LIMA1: variants seen among roughly 807,000 people sequenced by gnomAD.
LIMA1 encodes the protein LIM domain and actin binding 1.
In LIMA1, 52 loss-of-function variants were observed where a neutral mutation model predicts 62.6. The observed-to-expected ratio is 0.83, with a 90% CI of 0.67 to 1.05. The LOEUF is 1.05. LIMA1 is among the 50% of genes least tolerant of loss of function. LIMA1 has a pLI of 0.00. For synonymous variants in LIMA1, 302 were observed against 317.8 expected (o/e 0.95, Z 0.53); for missense variants, 780 against 902.2 (o/e 0.86, Z 1.74).
At chr12:50,233,001 AAC>A (rs1315188692) in intron 2 of LIMA1, among the ~76,000 whole-genome samples, 2 of 152,178 alleles carry the variant, frequency 1.3e-5, no homozygotes, top group Admixed American at 6.5e-5. Context: ...AACCCAAAAA[AAC>A]AGTCTGCATA....
intron 6 of LIMA1, 29 bp downstream of exon 6, chr12:50,204,522 AT>A: frequency 1.3e-6 from 2 of 1,596,388 alleles, no homozygotes; most frequent in South Asian, 2.2e-5. Context: ...GATGGAATGA[AT>A]GAATGAATGA....
chr12:50,250,914 A>T (rs1941922005), intron 1 of LIMA1, among the ~76,000 whole-genome samples: 1 of 152,256 alleles, frequency 6.6e-6, no homozygotes, highest in Non-Finnish European at 1.5e-5. Context: ...AAAGACCCTG[A>T]TACAGAATAA....
intron 4 of LIMA1, among the ~76,000 whole-genome samples, chr12:50,209,033 G>A (rs557407583): frequency 5.4e-4 from 74 of 137,238 alleles, no homozygotes; most frequent in African/African-American, 1.9e-3. Flanking sequence ...GTCTCACCAC[G>A]TTGCCCAGGC....
intron 10 of LIMA1, among the ~76,000 whole-genome samples, chr12:50,181,525 C>A (rs1028302928): frequency 6.6e-6 from 1 of 151,988 alleles, no homozygotes; most frequent in African/African-American, 2.4e-5. Flanking sequence ...ATTATTATTG[C>A]CATTATTATC....
chr12:50,232,735 C>T (rs1941631092), intron 2 of LIMA1, among the ~76,000 whole-genome samples: 1 of 152,226 alleles, frequency 6.6e-6, no homozygotes. Flanking sequence ...TGCCTGTAAT[C>T]CCAGCACTTC....
chr12:50,263,785 C>CTGTGTGTG (rs3073660), intron 1 of LIMA1, among the ~76,000 whole-genome samples: 2,498 of 131,312 alleles, frequency 0.019, 41 homozygotes, highest in East Asian at 0.07. Flanking sequence ...TTCCATTCCT[C>CTGTGTGTG]TGTGTGTGTG....
intron 1 of LIMA1, among the ~76,000 whole-genome samples, chr12:50,268,882 T>C (rs1942171141): frequency 6.6e-6 from 1 of 152,188 alleles, no homozygotes; most frequent in Non-Finnish European, 1.5e-5. Context: ...CATGTTCTAA[T>C]GACATATTAC....
At chr12:50,277,894 CAG>C (rs1424845366) in intron 1 of LIMA1, among the ~76,000 whole-genome samples, 1 of 152,140 alleles carries the variant, frequency 6.6e-6, no homozygotes, top group Admixed American at 6.6e-5. Flanking sequence ...ACAGAAGAAA[CAG>C]AAATGAATGT....
intron 1 of LIMA1, among the ~76,000 whole-genome samples, chr12:50,267,486 G>T (rs1942153281): frequency 6.6e-6 from 1 of 151,526 alleles, no homozygotes; most frequent in Non-Finnish European, 1.5e-5. Context: ...CAAAGTGCTG[G>T]GATTACAGGT....
chr12:50,251,705 A>C (rs939960882), intron 1 of LIMA1, among the ~76,000 whole-genome samples: 1 of 152,164 alleles, frequency 6.6e-6, no homozygotes, highest in Non-Finnish European at 1.5e-5. Flanking sequence ...ATAAAGAAAA[A>C]AAAGGTTAAC....
chr12:50,210,677 C>T (rs1941240215), intron 4 of LIMA1, among the ~76,000 whole-genome samples: 1 of 152,152 alleles, frequency 6.6e-6, no homozygotes, highest in Non-Finnish European at 1.5e-5. Flanking sequence ...AGGGCAGAGG[C>T]TTTCTTTGGT....
At chr12:50,245,133 G>T (rs142407949) in intron 2 of LIMA1, among the ~76,000 whole-genome samples, 77 of 152,284 alleles carry the variant, frequency 5.1e-4, no homozygotes, top group African/African-American at 1.7e-3. Context: ...TATGAGTCCA[G>T]GTTGGGCACA....
intron 1 of LIMA1, among the ~76,000 whole-genome samples, chr12:50,258,717 G>A (rs772335081): frequency 7.0e-6 from 1 of 143,454 alleles, no homozygotes; most frequent in African/African-American, 2.6e-5. Flanking sequence ...GTGCGATCTC[G>A]GCTCACTGCA....
At chr12:50,214,827 C>A (rs1941316558) in intron 4 of LIMA1, among the ~76,000 whole-genome samples, 1 of 152,154 alleles carries the variant, frequency 6.6e-6, no homozygotes, top group African/African-American at 2.4e-5. Flanking sequence ...GCAATTAATA[C>A]AATTATGAAC....
At chr12:50,233,799 A>C (rs1236105803) in intron 2 of LIMA1, among the ~76,000 whole-genome samples, 1 of 152,238 alleles carries the variant, frequency 6.6e-6, no homozygotes, top group Non-Finnish European at 1.5e-5. Context: ...TGCTGGGATT[A>C]AAGGCTTGAG....
chr12:50,206,047 T>C lies in LIMA1; in HGVS notation c.652A>G (p.Ser218Gly), dbSNP rs1941146311. 6.2e-7 allele frequency: 1 copy of C among 1,612,968 alleles called. No individual in the cohort carries two copies. Among genetic ancestry groups the C allele is most frequent in the African/African-American group, 1.3e-5 (1 of 74,918 alleles). Residue 218 changes from serine (S) to glycine (G), a missense_variant, in exon 5 of 11, where the codon AGT (serine) becomes GGT (glycine). By Grantham distance (56) the Ser-to-Gly change is moderately conservative. Coordinates refer to ENST00000341247, the MANE Select transcript of LIMA1 (RefSeq NM_016357.5). ...TCAGAGATCTTCCTTCCACTTGCAC[T>C]TCGGCTTTGGGCCCGGAGAATCTGG... ...QTKILRAQSR[S>G]ASGRKISENS...
rs2138556760 is a variant in LIMA1, at chr12:50,222,175, T to C, written c.476A>G (p.Lys159Arg). 2 of 1,614,256 alleles carry C rather than the reference T, an allele frequency of 1.2e-6. No individual in the cohort carries two copies. The highest frequency in any genetic ancestry group is 2.2e-5 in the South Asian group (2 of 91,076). Reference protein sequence around the residue: ...EDLKDHSTESKKMENCLGESR... With the variant: ...EDLKDHSTESRKMENCLGESR... ...TTCTCCTAGACAATTTTCCATTTTT[T>C]TACTTTCTGTTGAGTGGTCTTTAAG... The change falls in exon 4 of 11, where the codon AAA becomes AGA. Residue 159 changes from lysine (K) to arginine (R), a missense_variant. By Grantham distance (26) the Lys-to-Arg change is conservative. Coordinates refer to ENST00000341247, the MANE Select transcript of LIMA1 (RefSeq NM_016357.5).
intron 1 of LIMA1, among the ~76,000 whole-genome samples, chr12:50,253,905 G>A (rs1256256562): frequency 6.6e-6 from 1 of 151,716 alleles, no homozygotes; most frequent in East Asian, 1.9e-4. Flanking sequence ...GCAGGCGCCT[G>A]TAATCCCAGC....
At chr12:50,270,355 C>G (rs541479495) in intron 1 of LIMA1, among the ~76,000 whole-genome samples, 27 of 151,378 alleles carry the variant, frequency 1.8e-4, no homozygotes, top group African/African-American at 6.1e-4. Context: ...TCCCAGCACT[C>G]TGGGAGACCA....
Sources: gnomAD v4.1 joint callset for allele counts (sites outside exome capture counted in the v4.1 genomes callset) on GRCh38, gnomAD v4.1.1 for gene constraint, MANE v1.5 for transcripts, NCBI Gene and HGNC (gene_info 2026-07-23, HGNC 2026-07-21) for gene names.